IGSF1: variants seen among roughly 807,000 people sequenced by gnomAD.
IGSF1 encodes immunoglobulin superfamily member 1.
IGSF1 carries 40 observed loss-of-function variants against 95.3 expected under a neutral mutation model. The ratio of observed to expected loss-of-function variants is 0.42; its 90% CI spans 0.33 to 0.55. IGSF1 has a LOEUF of 0.55. IGSF1 is among the 20% of genes least tolerant of loss of function. IGSF1 has a pLI of 0.10. For missense variants in IGSF1, 906 were observed against 1,025.4 expected, an observed-to-expected ratio of 0.88 and a Z score of 1.59; for synonymous variants, 372 against 382.9, an observed-to-expected ratio of 0.97 and a Z score of 0.33.
At chrX:131,283,410 G>T in intron 5 of IGSF1, 146 bp from the exon 6 acceptor site, 1 of 489,619 alleles carries the variant, frequency 2.0e-6, no homozygotes, top group Non-Finnish European at 3.4e-6. Context: ...CTCTGCCTCT[G>T]TAACATAATC....
chrX:131,285,894 G>A lies in IGSF1; in HGVS notation c.252C>T (p.His84=), dbSNP rs758155059. Residue 84 remains histidine, a synonymous_variant, in exon 4 of 20, where the codon CAC becomes CAT. Coordinates refer to ENST00000361420, the MANE Select transcript of IGSF1 (RefSeq NM_001555.5). ...KTQMTWIRPS[H]KTFQVSFLIG... ...TAAGGAATGAAACTTGGAAGGTCTT[G>A]TGGGAAGGGCGGATCCAGGTCATCT... The A allele has an allele frequency of 4.1e-6, 5 of 1,211,651 alleles. No individual in the cohort carries two copies. Among genetic ancestry groups the A allele is most frequent in the Non-Finnish European group, 5.6e-6 (5 of 895,447 alleles).
chrX:131,275,605 A>G lies in IGSF1; in HGVS notation c.3057T>C (p.Asn1019=). ...TSMQLWGSTS[N]DGAFPITNIS... ...TATTGGTGATGGGGAATGCCCCGTC[A>G]TTACTGGTGGATCCCCAGAGCTGCA... is the stretch of plus-strand genomic sequence containing the variant. The change falls in exon 16 of 20, where the codon AAT becomes AAC. Residue 1019 remains asparagine, a synonymous_variant. Coordinates refer to ENST00000361420, the MANE Select transcript of IGSF1 (RefSeq NM_001555.5). 4 of 1,211,532 alleles carry G rather than the reference A, an allele frequency of 3.3e-6. No individual in the cohort carries two copies. Among genetic ancestry groups the G allele is most frequent in the Non-Finnish European group, 4.5e-6 (4 of 895,349 alleles).
intron 18 of IGSF1, 105 bp downstream of exon 18, chrX:131,274,494 G>T: frequency 1.1e-6 from 1 of 885,478 alleles, no homozygotes; most frequent in Non-Finnish European, 1.6e-6. Context: ...TCAGGTCCCT[G>T]GCTCCAAAGC....
At chrX:131,289,027 C>T in intron 1 of IGSF1, 187 bp downstream of exon 1, 1 of 278,938 alleles carries the variant, frequency 3.6e-6, no homozygotes. Flanking sequence ...CTCACCGAGG[C>T]AGGTCTGGGA....
At position 131,282,444 on chromosome X, in the gene IGSF1, C is replaced by G; in HGVS notation, c.1246G>C (p.Asp416His). 1 of 1,197,808 alleles carries G rather than the reference C, an allele frequency of 8.3e-7. No individual in the cohort carries two copies. The highest frequency in any genetic ancestry group is 1.1e-6 in the Non-Finnish European group (1 of 884,309). Residue 416 changes from aspartate (D) to histidine (H), a missense_variant and splice_region_variant, in exon 7 of 20, where the codon GAT becomes CAT. Physicochemically the swap from Asp to His is moderately conservative, Grantham distance 81. Coordinates refer to ENST00000361420, the MANE Select transcript of IGSF1 (RefSeq NM_001555.5). The stretch of plus-strand genomic sequence containing the variant: ...AATAAAAACAGTTGTTAACACTTGC[C>G]TACAACCATAAGCTCCACAGTGTTG... ...SHNTVELMVV[D>H]KPPKPSLSAW...
Position 131,277,949 on chromosome X carries a change from T to C in IGSF1, c.2227A>G (p.Lys743Glu). The C allele has an allele frequency of 1.7e-6, 2 of 1,211,000 alleles. No individual in the cohort carries two copies. Among genetic ancestry groups the C allele is most frequent in the Non-Finnish European group, 1.1e-6 (1 of 895,068 alleles). The change falls in exon 13 of 20, where the codon AAA (lysine) becomes GAA (glutamate). Residue 743 changes from lysine to glutamate, a missense_variant. Around this residue, in one of 5 missense-constraint regions of IGSF1, gnomAD observed 411 missense variants for 494.9 expected, o/e 0.83. Transcript: ENST00000361420. The part of the protein sequence containing the change: ...AFFTIQRMED[K>E]DEGNYSCRTH... ...CGGCAGCTGTAATTGCCTTCGTCTT[T>C]ATCCTCCATTCTCTGGATTGTAAAG...
chrX:131,278,834 C>G (rs941669560), intron 11 of IGSF1, 83 bp from the exon 12 acceptor site: 11 of 882,517 alleles, frequency 1.2e-5, no homozygotes, highest in Non-Finnish European at 1.6e-5. Flanking sequence ...CTACCCAGAT[C>G]ACACTGCCCA....
Position 131,283,022 on chromosome X carries a change from T to G in IGSF1, c.910A>C (p.Arg304=). 1 of 1,206,476 alleles carries G rather than the reference T, an allele frequency of 8.3e-7. No individual in the cohort carries two copies. ...YLCFYYDASY[R]GSLLSDVLKI... Reference sequence around the variant, plus strand: ...AGGACATCACTAAGGAGTGAACCTCTATATGATGCGTCATAGTAAAAACAG... The same window carrying G: ...AGGACATCACTAAGGAGTGAACCTCGATATGATGCGTCATAGTAAAAACAG... Residue 304 remains arginine, a synonymous_variant, in exon 6 of 20, where the codon AGA becomes CGA. Coordinates refer to ENST00000361420, the MANE Select transcript of IGSF1 (RefSeq NM_001555.5).
intron 1 of IGSF1, among the ~76,000 whole-genome samples, chrX:131,288,071 G>T (rs774970239): frequency 7.2e-5 from 8 of 111,781 alleles, no homozygotes; most frequent in Non-Finnish European, 1.5e-4. Flanking sequence ...AAAATATCTG[G>T]ACTGTAGGGA....
intron 15 of IGSF1, 21 bp downstream of exon 15, chrX:131,275,940 C>G: frequency 5.8e-6 from 7 of 1,202,733 alleles, no homozygotes; most frequent in Non-Finnish European, 7.9e-6. Flanking sequence ...CATCCCAGTC[C>G]CATGTCCGGT....
chrX:131,286,388 TC>T lies in IGSF1; in HGVS notation c.97+48del, dbSNP rs774832173. On this transcript the variant is annotated intron_variant, in intron 3 of 19. Coordinates refer to ENST00000361420, the MANE Select transcript of IGSF1 (RefSeq NM_001555.5). Reference sequence around the variant, plus strand: ...CCAAGGTCATGGAGACACGCCAGCATCTTGGATCCTTTAGGAAGGAGGTGCC... The same window carrying T: ...CCAAGGTCATGGAGACACGCCAGCATTTGGATCCTTTAGGAAGGAGGTGCC... The T allele has an allele frequency of 5.0e-4, 523 of 1,053,467 alleles. 2 individuals carry two copies. The African/African-American group carries it at 6.8e-3, about 14-fold the overall frequency. 86.8% of individuals were successfully genotyped at this position (1,053,467 alleles called of 1,213,427 possible).
chrX:131,273,872 CCTT>C lies in IGSF1; in HGVS notation c.3932_3934del (p.Glu1311del), dbSNP rs778147903. 56 of 1,208,059 alleles carry C rather than the reference CCTT, an allele frequency of 4.6e-5. No individual in the cohort carries two copies. Among genetic ancestry groups the C allele is most frequent in the Admixed American group, 1.5e-4 (7 of 45,767 alleles). Reference sequence around the variant, plus strand: ...AGAATTGGCAGGGGTGCCTGGTTCTCCTTCTTGGTTACACTCTTCAAGGGCAAT... The same window carrying C: ...AGAATTGGCAGGGGTGCCTGGTTCTCCTTGGTTACACTCTTCAAGGGCAAT... On this transcript the variant is annotated inframe_deletion, in exon 20 of 20. Coordinates refer to ENST00000361420, the MANE Select transcript of IGSF1 (RefSeq NM_001555.5).
intron 9 of IGSF1, among the ~76,000 whole-genome samples, chrX:131,280,160 T>TC (rs2080535774): frequency 1.8e-5 from 2 of 109,616 alleles, no homozygotes; most frequent in African/African-American, 6.6e-5. Flanking sequence ...TTTTTTTTTT[T>TC]CTAACCACTG....
At chrX:131,281,430 G>C in intron 8 of IGSF1, 92 bp from the exon 9 acceptor site, 2 of 1,058,378 alleles carry the variant, frequency 1.9e-6, no homozygotes, top group Non-Finnish European at 1.3e-6. Flanking sequence ...GTTACTGACA[G>C]TGCTTATATT....
chrX:131,275,832 CTCTA>C, intron 15 of IGSF1, 67 bp from the exon 16 acceptor site: 2 of 1,156,463 alleles, frequency 1.7e-6, no homozygotes. Context: ...TAAATTAACA[CTCTA>C]TCTTTCTCCT....
At chrX:131,287,930 G>C (rs1004197876) in intron 1 of IGSF1, among the ~76,000 whole-genome samples, 3 of 111,784 alleles carry the variant, frequency 2.7e-5, no homozygotes, top group Non-Finnish European at 5.6e-5. Flanking sequence ...GTGGGGAAGA[G>C]GCAGCTCCCA....
In IGSF1 at chrX:131,275,184, A is replaced by G; in HGVS notation, c.3287T>C (p.Phe1096Ser). The G allele has an allele frequency of 8.3e-7, 1 of 1,211,194 alleles. No homozygotes were observed. The highest frequency in any genetic ancestry group is 1.1e-6 in the Non-Finnish European group (1 of 894,946). ...QCQGELPDST[F>S]VLLKEGAQEP... ...CTGAGCCCCCTCCTTCAACAGGACA[A>G]ATGTTGAGTCTGGCAGTTCCCCTTG... The change falls in exon 17 of 20, where the codon TTT becomes TCT. Residue 1096 changes from phenylalanine (F) to serine (S), a missense_variant. Transcript: ENST00000361420.
Position 131,286,585 on chromosome X carries a change from C to T in IGSF1, c.70+20G>A, listed in dbSNP as rs768686587. ...ACCTATGACAGGGTCACTTGCCCCT[C>T]ACCCCTTCCTTGTACTCACGAATGC... On this transcript the variant is annotated intron_variant, in intron 2 of 19. Transcript: ENST00000361420. 1.0e-5 allele frequency: 12 copies of T among 1,200,645 alleles called. No individual in the cohort carries two copies. In the Admixed American group the frequency reaches 2.4e-4, roughly 24 times the overall value.
In IGSF1 at chrX:131,277,062, C is replaced by T; in HGVS notation, c.2485G>A (p.Ala829Thr). Residue 829 changes from alanine (A) to threonine (T), a missense_variant, in exon 14 of 20, where the codon GCC becomes ACC. Physicochemically the swap from Ala to Thr is moderately conservative, Grantham distance 58. Around this residue, in one of 5 missense-constraint regions of IGSF1, gnomAD observed 411 missense variants for 494.9 expected, o/e 0.83. Transcript: ENST00000361420. The stretch of plus-strand genomic sequence containing the variant: ...ATGATTAGAAAGTGAGCTGCACTGG[C>T]CCCCGGACTTGCCCAGGACCTGTCA... ...SSDRSWASPG[A>T]SAAHFLIISV... 3 of 1,210,437 alleles carry T rather than the reference C, an allele frequency of 2.5e-6. No homozygotes were observed. Among genetic ancestry groups the T allele is most frequent in the Non-Finnish European group, 3.4e-6 (3 of 894,576 alleles).
Sources: gnomAD v4.1 joint callset for allele counts (sites outside exome capture counted in the v4.1 genomes callset) on GRCh38, gnomAD v4.1.1 for gene constraint, gnomAD v4.1.1 regional missense constraint, MANE v1.5 for transcripts, NCBI Gene and HGNC (gene_info 2026-07-23, HGNC 2026-07-21) for gene names.